The following STRN variants were observed in gnomAD, a reference collection of about 807,000 sequenced individuals.
STRN encodes the protein striatin.
Under a neutral mutation model 96.3 loss-of-function variants are expected in STRN, and 53 were observed. The ratio of observed to expected loss-of-function variants is 0.55; its 90% confidence interval spans 0.44 to 0.69. STRN has a LOEUF of 0.69. STRN is among the 30% of genes least tolerant of loss of function. The probability of loss-of-function intolerance (pLI) is 0.00; values close to 1 mark genes in which losing one functional copy is unlikely to be tolerated. For missense variants in STRN, 987 were observed against 963.9 expected, an observed-to-expected ratio of 1.02 and a Z score of -0.32; for synonymous variants, 428 against 355.9, an observed-to-expected ratio of 1.20 and a Z score of -2.28.
chr2:36,951,338 C>T (rs1664748041), intron 1 of STRN, among the ~76,000 whole-genome samples: 1 of 152,162 alleles, frequency 6.6e-6, no homozygotes, highest in African/African-American at 2.4e-5. Flanking sequence ...CCTGAAATGA[C>T]CTCTGTCAAA....
At chr2:36,897,427 A>G (rs1669569982) in intron 6 of STRN, among the ~76,000 whole-genome samples, 1 of 135,958 alleles carries the variant, frequency 7.4e-6, no homozygotes, top group South Asian at 2.4e-4. Flanking sequence ...TCCAAAAAAA[A>G]CTAAAAAATA....
At chr2:36,959,101 G>A (rs1664967008) in intron 1 of STRN, among the ~76,000 whole-genome samples, 1 of 152,166 alleles carries the variant, frequency 6.6e-6, no homozygotes, top group South Asian at 2.1e-4. Context: ...GGGCGACACA[G>A]CTAGACTCCA....
At chr2:36,960,750 G>A (rs1408877404) in intron 1 of STRN, among the ~76,000 whole-genome samples, 1 of 152,114 alleles carries the variant, frequency 6.6e-6, no homozygotes, top group Admixed American at 6.5e-5. Context: ...ATTGCCTTTT[G>A]TGATAATTAT....
intron 6 of STRN, among the ~76,000 whole-genome samples, chr2:36,895,641 G>A (rs1042376334): frequency 6.6e-6 from 1 of 151,886 alleles, no homozygotes; most frequent in African/African-American, 2.4e-5. Context: ...GCCAGGTACG[G>A]TGGCTCATGC....
chr2:36,952,071 T>C (rs956107295), intron 1 of STRN, among the ~76,000 whole-genome samples: 2 of 151,782 alleles, frequency 1.3e-5, no homozygotes, highest in African/African-American at 2.4e-5. Flanking sequence ...ACACACACAA[T>C]TGTGGCTTAT....
chr2:36,950,208 G>GTTTTTT (rs1338547776), intron 1 of STRN, among the ~76,000 whole-genome samples: 2 of 124,042 alleles, frequency 1.6e-5, no homozygotes, highest in African/African-American at 6.0e-5. Flanking sequence ...GGTTGGTTTG[G>GTTTTTT]TTTTGTTTTT....
intron 2 of STRN, among the ~76,000 whole-genome samples, chr2:36,922,922 T>C (rs1386340644): frequency 6.6e-6 from 1 of 152,058 alleles, no homozygotes; most frequent in African/African-American, 2.4e-5. Flanking sequence ...GGCAGGCGGA[T>C]CACGAAGTCA....
At chr2:36,881,118 CTT>C (rs3081783) in intron 9 of STRN, among the ~76,000 whole-genome samples, 50,134 of 78,876 alleles carry the variant, frequency 0.64, 16,694 homozygotes, top group Middle Eastern at 0.75. Context: ...ACACTGCCTT[CTT>C]TTTTTTTTTT....
rs184285315 is a variant in STRN at position 36,938,382 on chromosome 2, T to C, written c.235-13174A>G. Among the ~76,000 whole-genome samples, 115 of 151,580 alleles carry C rather than the reference T, an allele frequency of 7.6e-4. 1 individual carries two copies. Among genetic ancestry groups the C allele is most frequent in the African/African-American group, 2.4e-3 (101 of 41,292 alleles). ...CAGAGGTTGCAGGGAGCCAAGATCA[T>C]GTCACTGTACTCCAGCATGGGCAAT... is the stretch of plus-strand genomic sequence containing the variant. On this transcript the variant is annotated intron_variant, in intron 1 of 17. Transcript: ENST00000263918.
intron 10 of STRN, among the ~76,000 whole-genome samples, chr2:36,870,296 G>GA (rs56722317): frequency 0.042 from 5,905 of 138,972 alleles, 185 homozygotes; most frequent in East Asian, 0.13. Context: ...TCTCAAAAAT[G>GA]AAAAAAAAAA....
chr2:36,912,251 T>C (rs554061532), intron 3 of STRN, among the ~76,000 whole-genome samples: 217 of 152,308 alleles, frequency 1.4e-3, no homozygotes, highest in African/African-American at 4.8e-3. Context: ...CGTGAGAGTG[T>C]GCGCGCGCGC....
At chr2:36,873,419 G>C (rs529150499) in intron 10 of STRN, among the ~76,000 whole-genome samples, 9 of 152,264 alleles carry the variant, frequency 5.9e-5, no homozygotes, top group African/African-American at 2.2e-4. Context: ...CTTTAGCTGG[G>C]TGTACTGGTG....
intron 3 of STRN, among the ~76,000 whole-genome samples, chr2:36,912,374 T>C (rs1669984972): frequency 6.6e-6 from 1 of 152,204 alleles, no homozygotes; most frequent in Non-Finnish European, 1.5e-5. Context: ...ACTTTATTTC[T>C]GCCCTCACCT....
At chr2:36,892,307 C>T (rs1435135848) in intron 7 of STRN, among the ~76,000 whole-genome samples, 1 of 152,066 alleles carries the variant, frequency 6.6e-6, no homozygotes, top group Non-Finnish European at 1.5e-5. Flanking sequence ...CCAACTGATA[C>T]GTAAGGGTAC....
Position 36,849,420 on chromosome 2 carries a change from T to G in STRN, c.*36A>C. On this transcript the variant is annotated 3_prime_UTR_variant, in exon 18 of 18. Coordinates refer to ENST00000263918, the MANE Select transcript of STRN (RefSeq NM_003162.4). ...GTATCTCTTGTGTGCAGTTGATTAC[T>G]TATAAACAGCTAGAAGGTGAAGATG... is the stretch of plus-strand genomic sequence containing the variant. The G allele has an allele frequency of 6.2e-7, 1 of 1,610,130 alleles. No individual in the cohort carries two copies. Among genetic ancestry groups the G allele is most frequent in the Non-Finnish European group, 8.5e-7 (1 of 1,177,742 alleles).
chr2:36,935,183 T>C (rs1431127135), intron 1 of STRN, among the ~76,000 whole-genome samples: 2 of 152,230 alleles, frequency 1.3e-5, no homozygotes, highest in Non-Finnish European at 2.9e-5. Flanking sequence ...CCTTGGCTTA[T>C]GCCCTTCTCT....
intron 4 of STRN, chr2:36,902,989 C>T (rs988564720): frequency 3.7e-6 from 1 of 267,768 alleles, no homozygotes; most frequent in African/African-American, 2.2e-5. Flanking sequence ...CCATTCATTA[C>T]ATTTACCATA....
intron 1 of STRN, among the ~76,000 whole-genome samples, chr2:36,935,832 T>C (rs17497197): frequency 0.18 from 27,052 of 152,186 alleles, 2,964 homozygotes; most frequent in Non-Finnish European, 0.24. Context: ...AGTAGAAGTA[T>C]AAACAATAAT....
In STRN at chr2:36,953,491, C is replaced by T. The variant is rs566247395; in HGVS notation, c.234+12739G>A. ...AATCTCAGCTCACTGCAAGCTCCGC[C>T]TCCCAGGTTCACACCATTCTCCTGC... On this transcript the variant is annotated intron_variant, in intron 1 of 17. Coordinates refer to ENST00000263918, the MANE Select transcript of STRN (RefSeq NM_003162.4). Among the ~76,000 whole-genome samples, 26 of 151,820 alleles carry T rather than the reference C, an allele frequency of 1.7e-4. No homozygotes were observed. In the South Asian group the frequency reaches 5.2e-3, roughly 30 times the overall value.
Sources: gnomAD v4.1 joint callset for allele counts (sites outside exome capture counted in the v4.1 genomes callset) on GRCh38, gnomAD v4.1.1 for gene constraint, MANE v1.5 for transcripts, NCBI Gene and HGNC (gene_info 2026-07-23, HGNC 2026-07-21) for gene names.